The following PKNOX1 variants were observed in gnomAD, a reference collection of about 807,000 sequenced individuals.
The protein encoded by PKNOX1 is homeobox protein PKNOX1.
A neutral mutation model predicts 51.9 loss-of-function variants in PKNOX1; 15 were observed. The ratio of observed to expected loss-of-function variants is 0.29; its 90% CI spans 0.19 to 0.45. The LOEUF (loss-of-function observed/expected upper bound fraction) is 0.45, where lower values mean the gene tolerates loss of function less well. Ranked by LOEUF, PKNOX1 falls within the 20% of genes least tolerant of loss-of-function variation. The pLI is 1.00. For synonymous variants in PKNOX1, 219 were observed against 211.1 expected, an observed-to-expected ratio of 1.04 and a Z score of -0.32; for missense variants, 462 against 547.5, an observed-to-expected ratio of 0.84 and a Z score of 1.56.
intron 9 of PKNOX1, among the ~76,000 whole-genome samples, chr21:43,027,119 G>C (rs988249115): frequency 2.0e-5 from 3 of 152,156 alleles, no homozygotes; most frequent in African/African-American, 7.2e-5. Context: ...TGGCTACTCA[G>C]CTATCCAGAT....
chr21:42,987,404 A>AATACATATATATATATATAT (rs2059059024), intron 1 of PKNOX1, among the ~76,000 whole-genome samples: 1 of 41,410 alleles, frequency 2.4e-5, no homozygotes, highest in South Asian at 7.7e-4. Flanking sequence ...AAAAAAAAAA[A>AATACATATATATATATATAT]ATATATATAT....
intron 4 of PKNOX1, among the ~76,000 whole-genome samples, chr21:43,011,802 G>A (rs1288578598): frequency 1.3e-5 from 2 of 152,208 alleles, no homozygotes; most frequent in African/African-American, 4.8e-5. Flanking sequence ...CCATGAAACA[G>A]ATTTTGTGGG....
intron 1 of PKNOX1, among the ~76,000 whole-genome samples, chr21:42,981,209 G>A (rs1023125081): frequency 6.6e-6 from 1 of 152,226 alleles, no homozygotes; most frequent in African/African-American, 2.4e-5. Context: ...AGGTCAGTCT[G>A]GAAACTGTTA....
intron 7 of PKNOX1, among the ~76,000 whole-genome samples, chr21:43,019,794 G>A (rs1383293388): frequency 1.3e-5 from 2 of 152,076 alleles, no homozygotes; most frequent in Non-Finnish European, 1.5e-5. Flanking sequence ...CGCCTGCCTC[G>A]GCCTCCCAAA....
chr21:42,976,951 A>G (rs1346510596), intron 1 of PKNOX1, among the ~76,000 whole-genome samples: 2 of 152,204 alleles, frequency 1.3e-5, no homozygotes, highest in African/African-American at 2.4e-5. Flanking sequence ...GAAAGTCAAG[A>G]TTACTCCTTG....
rs916047073 is a variant in PKNOX1, at chr21:43,030,875, C to T, written c.*774C>T. 1.2e-4 allele frequency: 19 copies of T among 152,142 alleles called. No individual in the cohort carries two copies. Among genetic ancestry groups the T allele is most frequent in the African/African-American group, 3.6e-4 (15 of 41,422 alleles). 9.4% of individuals were successfully genotyped at this position (152,142 alleles called of 1,614,324 possible). Reference sequence around the variant, plus strand: ...CCGTTCCATGGTTCTTTGCTCTCCCCGGGTAGTGATGAACATTTACTACTA... The same window carrying T: ...CCGTTCCATGGTTCTTTGCTCTCCCTGGGTAGTGATGAACATTTACTACTA... On this transcript the variant is annotated 3_prime_UTR_variant, in exon 11 of 11. Coordinates refer to ENST00000291547, the MANE Select transcript of PKNOX1 (RefSeq NM_004571.5).
At chr21:43,026,756 C>CA (rs573912860) in intron 9 of PKNOX1, among the ~76,000 whole-genome samples, 14 of 150,148 alleles carry the variant, frequency 9.3e-5, no homozygotes, top group East Asian at 7.8e-4. Flanking sequence ...GACTCAGTCT[C>CA]AAAAAAAAAG....
At chr21:42,981,480 C>T (rs955359786) in intron 1 of PKNOX1, among the ~76,000 whole-genome samples, 13 of 152,234 alleles carry the variant, frequency 8.5e-5, no homozygotes, top group African/African-American at 3.1e-4. Flanking sequence ...GTTTAAAGCT[C>T]TGATTCTGAG....
In PKNOX1 at chr21:43,009,494, C is replaced by T. The variant is rs1041270224; in HGVS notation, c.180-559C>T. 3.4e-4 allele frequency among the ~76,000 whole-genome samples: 51 copies of T among 149,550 alleles called. 1 individual carries two copies. The highest frequency in any genetic ancestry group is 4.4e-5 in the Non-Finnish European group (3 of 67,654). Reference sequence around the variant, plus strand: ...GCATCATGGCGGGTGCCTGTAGTCCCGGCTACTTGGGGAGGCTGAGTAGGA... The same window carrying T: ...GCATCATGGCGGGTGCCTGTAGTCCTGGCTACTTGGGGAGGCTGAGTAGGA... On this transcript the variant is annotated intron_variant, in intron 3 of 10. Transcript: ENST00000291547.
At chr21:43,004,778 G>A (rs1450814587) in intron 2 of PKNOX1, among the ~76,000 whole-genome samples, 3 of 152,152 alleles carry the variant, frequency 2.0e-5, no homozygotes, top group Admixed American at 6.5e-5. Flanking sequence ...TCTTCTGAGT[G>A]TCTAACTGGA....
At chr21:43,025,774 AT>A (rs1979960768) in intron 9 of PKNOX1, among the ~76,000 whole-genome samples, 1 of 152,176 alleles carries the variant, frequency 6.6e-6, no homozygotes, top group Admixed American at 6.5e-5. Flanking sequence ...AAACATTATT[AT>A]CTTTATCTTA....
chr21:42,978,455 A>G (rs1229985628), intron 1 of PKNOX1, among the ~76,000 whole-genome samples: 1 of 137,296 alleles, frequency 7.3e-6, no homozygotes, highest in Non-Finnish European at 1.6e-5. Flanking sequence ...TGCATTTACA[A>G]CTTGGCTAAC....
At chr21:42,994,441 T>C (rs894039794) in intron 1 of PKNOX1, among the ~76,000 whole-genome samples, 1 of 146,204 alleles carries the variant, frequency 6.8e-6, no homozygotes, top group Non-Finnish European at 1.5e-5. Context: ...CTTCCCAAAA[T>C]GCTAGTATTA....
intron 9 of PKNOX1, among the ~76,000 whole-genome samples, chr21:43,028,400 A>G (rs1396219563): frequency 1.3e-5 from 2 of 151,856 alleles, no homozygotes; most frequent in East Asian, 1.9e-4. Context: ...AGTATCATCT[A>G]TGTCGTTATG....
At chr21:43,019,099 AAC>A (rs916158684) in intron 7 of PKNOX1, among the ~76,000 whole-genome samples, 5 of 149,436 alleles carry the variant, frequency 3.3e-5, no homozygotes, top group African/African-American at 1.2e-4. Flanking sequence ...AAAAAAAAAA[AAC>A]ATTGATTCTG....
chr21:43,028,110 C>T (rs1980062536), intron 9 of PKNOX1, among the ~76,000 whole-genome samples: 1 of 152,230 alleles, frequency 6.6e-6, no homozygotes, highest in Non-Finnish European at 1.5e-5. Flanking sequence ...CTTACGCCTC[C>T]AGTCATCTAA....
rs1980253359 is a variant in PKNOX1, at chr21:43,031,209, G to C, written c.*1108G>C. 1 of 152,638 alleles carries C rather than the reference G, an allele frequency of 6.6e-6. No individual in the cohort carries two copies. Among genetic ancestry groups the C allele is most frequent in the Admixed American group, 6.5e-5 (1 of 15,282 alleles). 9.5% of individuals were successfully genotyped at this position (152,638 alleles called of 1,614,324 possible). A position where few individuals can be genotyped will look rare whatever the true frequency, so the allele number is the denominator to read the frequency against. On this transcript the variant is annotated 3_prime_UTR_variant, in exon 11 of 11. Coordinates refer to ENST00000291547, the MANE Select transcript of PKNOX1 (RefSeq NM_004571.5). ...TTTATTATAAACTAATATAAAATGT[G>C]CTCTACCCCATTGGCTCAGAGCTAG...
intron 1 of PKNOX1, among the ~76,000 whole-genome samples, chr21:42,984,075 TGTGTGTGC>T (rs1296627061): frequency 8.5e-5 from 3 of 35,310 alleles, no homozygotes; most frequent in Admixed American, 7.0e-4. Context: ...CGTGTGTGCG[TGTGTGTGC>T]GTGTGTGTGT....
At chr21:43,002,842 GA>G (rs1190900986) in intron 1 of PKNOX1, among the ~76,000 whole-genome samples, 1 of 152,168 alleles carries the variant, frequency 6.6e-6, no homozygotes, top group African/African-American at 2.4e-5. Context: ...TCAGCCTCCT[GA>G]GTAGCTGGGA....
Sources: allele counts gnomAD v4.1 joint callset (sites outside exome capture counted in the v4.1 genomes callset), GRCh38; gene constraint gnomAD v4.1.1; transcripts MANE v1.5; gene names NCBI Gene and HGNC (gene_info 2026-07-23, HGNC 2026-07-21).